CACNA2D4: variants seen among roughly 807,000 people sequenced by gnomAD.
CACNA2D4 encodes voltage-dependent calcium channel subunit alpha-2/delta-4.
Under a neutral mutation model 163.8 loss-of-function variants are expected in CACNA2D4, and 157 were observed. That is an observed-to-expected ratio of 0.96 (90% CI 0.84 to 1.09). The LOEUF (loss-of-function observed/expected upper bound fraction) is 1.09, where lower values mean the gene tolerates loss of function less well. CACNA2D4 is among the 50% of genes least tolerant of loss of function. The probability of loss-of-function intolerance (pLI) is 0.00; values close to 1 mark genes in which losing one functional copy is unlikely to be tolerated. For synonymous variants in CACNA2D4, 598 were observed against 586.9 expected (o/e 1.02, Z -0.27); for missense variants, 1,410 against 1,479.9 (o/e 0.95, Z 0.78).
At chr12:1,861,593 C>T (rs1443189483) in intron 18 of CACNA2D4, among the ~76,000 whole-genome samples, 2 of 152,052 alleles carry the variant, frequency 1.3e-5, no homozygotes, top group East Asian at 3.9e-4. Flanking sequence ...CAGGCACACG[C>T]CACCACACCC....
intron 26 of CACNA2D4, among the ~76,000 whole-genome samples, chr12:1,839,624 C>T (rs1395963238): frequency 6.6e-6 from 1 of 152,218 alleles, no homozygotes; most frequent in African/African-American, 2.4e-5. Flanking sequence ...GAGCCAGAAC[C>T]ATCGCCTTCA....
chr12:1,840,444 G>T (rs1565704260), intron 26 of CACNA2D4, among the ~76,000 whole-genome samples: 1 of 137,052 alleles, frequency 7.3e-6, no homozygotes. Context: ...TGTGGAAGAG[G>T]GGGGTGGGTG....
At chr12:1,849,314 C>T (rs1464503865) in intron 23 of CACNA2D4, among the ~76,000 whole-genome samples, 1 of 152,202 alleles carries the variant, frequency 6.6e-6, no homozygotes, top group Non-Finnish European at 1.5e-5. Flanking sequence ...ATTTGCATAT[C>T]TCTTTTCCCT....
chr12:1,913,023 C>G lies in CACNA2D4; in HGVS notation c.426G>C (p.Gln142His). The G allele has an allele frequency of 6.2e-7, 1 of 1,606,978 alleles. No individual in the cohort carries two copies. The highest frequency in any genetic ancestry group is 8.5e-7 in the Non-Finnish European group (1 of 1,173,618). The change falls in exon 3 of 38, where the codon CAG (glutamine) becomes CAC (histidine). Residue 142 changes from glutamine (Q) to histidine (H), a missense_variant and splice_region_variant. By Grantham distance (24) the Gln-to-His change is conservative. Transcript: ENST00000382722. Reference sequence around the variant, plus strand: ...CCTGCAGATCACAGGCCTGGAGTACCTGGACCGCCTCGACTTTCCTCCGCA... The same window carrying G: ...CCTGCAGATCACAGGCCTGGAGTACGTGGACCGCCTCGACTTTCCTCCGCA... ...NMLRRKVEAV[Q>H]NLVEAAEEAD...
intron 26 of CACNA2D4, among the ~76,000 whole-genome samples, chr12:1,819,778 A>G (rs1864019827): frequency 6.6e-6 from 1 of 152,206 alleles, no homozygotes; most frequent in Non-Finnish European, 1.5e-5. Flanking sequence ...ATCACAGATA[A>G]GAGCAAGGAG....
At chr12:1,805,594 T>C (rs1181361651) in intron 29 of CACNA2D4, among the ~76,000 whole-genome samples, 1 of 152,126 alleles carries the variant, frequency 6.6e-6, no homozygotes, top group Non-Finnish European at 1.5e-5. Context: ...TAAGGAGTGT[T>C]TTGGACACTC....
chr12:1,796,506 T>C (rs1271939700), intron 35 of CACNA2D4, among the ~76,000 whole-genome samples: 1 of 152,196 alleles, frequency 6.6e-6, no homozygotes, highest in Non-Finnish European at 1.5e-5. Flanking sequence ...TTCAGGAGTG[T>C]CTACTCTGAA....
rs1386454651 is a variant in CACNA2D4, at chr12:1,810,262, A to G, written c.2721+16T>C. On this transcript the variant is annotated intron_variant, in intron 29 of 37. Coordinates refer to ENST00000382722, the MANE Select transcript of CACNA2D4 (RefSeq NM_172364.5). ...TGCCGCCCTCTCCCCCTCATTCTAT[A>G]TCCCCAGTGACTCACCTCTCGGGAC... The G allele has an allele frequency of 6.2e-7, 1 of 1,604,816 alleles. No homozygotes were observed. The highest frequency in any genetic ancestry group is 2.2e-5 in the East Asian group (1 of 44,812).
chr12:1,835,097 C>A, intron 26 of CACNA2D4: 1 of 210,702 alleles, frequency 4.7e-6, no homozygotes, highest in Non-Finnish European at 9.5e-6. Context: ...CTTGCTGGTC[C>A]CACCTCACCT....
chr12:1,810,720 G>A, intron 27 of CACNA2D4, 133 bp from the exon 28 acceptor site: 2 of 880,732 alleles, frequency 2.3e-6, no homozygotes, highest in East Asian at 2.7e-5. Flanking sequence ...ATCTGCACAT[G>A]GAGGGCACCT....
chr12:1,858,822 G>A (rs966037536), intron 19 of CACNA2D4, among the ~76,000 whole-genome samples, 178 bp from the exon 20 acceptor site: 1 of 152,178 alleles, frequency 6.6e-6, no homozygotes, highest in African/African-American at 2.4e-5. Context: ...CTCCAGAACG[G>A]AGGCGGTGCT....
Position 1,844,383 on chromosome 12 carries a change from G to A in CACNA2D4, c.2470+19C>T. Reference sequence around the variant, plus strand: ...GCCTGAGACTGGCCCAGCCCCGGGAGCACCGGGCTGTGTGTTACCTGGTCC... The same window carrying A: ...GCCTGAGACTGGCCCAGCCCCGGGAACACCGGGCTGTGTGTTACCTGGTCC... On this transcript the variant is annotated intron_variant, in intron 25 of 37. Transcript: ENST00000382722. This position sits in a 1 kb window ranked among gnomAD's most constrained non-coding sequence, Gnocchi z 4.2. The A allele has an allele frequency of 6.2e-7, 1 of 1,612,354 alleles. No individual in the cohort carries two copies.
At chr12:1,880,180 G>A (rs1343563169) in intron 13 of CACNA2D4, among the ~76,000 whole-genome samples, 5 of 152,260 alleles carry the variant, frequency 3.3e-5, no homozygotes, top group African/African-American at 1.2e-4. Flanking sequence ...TCTCAGCGAG[G>A]CCCAGGCCGA....
chr12:1,811,154 G>T (rs529919297), intron 27 of CACNA2D4, among the ~76,000 whole-genome samples: 151 of 152,350 alleles, frequency 9.9e-4, no homozygotes, highest in African/African-American at 3.5e-3. Flanking sequence ...GAGGGGCTCG[G>T]CGTTGCAGGA....
intron 26 of CACNA2D4, among the ~76,000 whole-genome samples, chr12:1,832,033 G>C (rs1294939845): frequency 1.3e-5 from 2 of 152,172 alleles, no homozygotes; most frequent in Non-Finnish European, 2.9e-5. Flanking sequence ...TGGTGACAGT[G>C]CCAACTTCCT....
chr12:1,913,543 G>T (rs542351230), intron 2 of CACNA2D4, among the ~76,000 whole-genome samples: 87 of 152,324 alleles, frequency 5.7e-4, no homozygotes, highest in African/African-American at 2.0e-3. Flanking sequence ...ACCACCCCTG[G>T]CATCAGTTCA....
chr12:1,899,633 T>C (rs2190769), intron 6 of CACNA2D4, among the ~76,000 whole-genome samples: 115,262 of 152,034 alleles, frequency 0.76, 43,831 homozygotes, highest in East Asian at 0.88. Context: ...ATCAAAGCAG[T>C]AATTTTATCT....
chr12:1,826,531 C>T (rs957651160), intron 26 of CACNA2D4, among the ~76,000 whole-genome samples: 1 of 152,110 alleles, frequency 6.6e-6, no homozygotes, highest in Admixed American at 6.5e-5. Flanking sequence ...GTGGGTCCTC[C>T]TGAAGGCTGC....
intron 26 of CACNA2D4, among the ~76,000 whole-genome samples, chr12:1,818,328 A>G (rs1863955464): frequency 6.6e-6 from 1 of 151,936 alleles, no homozygotes; most frequent in Non-Finnish European, 1.5e-5. Flanking sequence ...TGGAATAGAA[A>G]GGCGGGAAAG....
Sources: gnomAD v4.1 joint callset for allele counts (sites outside exome capture counted in the v4.1 genomes callset) on GRCh38, gnomAD v4.1.1 for gene constraint, Gnocchi (gnomAD v3.1) non-coding constraint, MANE v1.5 for transcripts, NCBI Gene and HGNC (gene_info 2026-07-23, HGNC 2026-07-21) for gene names.